The following PCDHA1 variants were observed in gnomAD, a reference collection of about 807,000 sequenced individuals.
The protein encoded by PCDHA1 is protocadherin alpha 1, also known as protocadherin alpha-1.
PCDHA1 carries 42 observed loss-of-function variants against 61.3 expected under a neutral mutation model. That is an observed-to-expected ratio of 0.69 (90% confidence interval 0.54 to 0.89). PCDHA1 has a LOEUF of 0.89. Among genes scored for constraint, PCDHA1 ranks in the 40% least tolerant of loss-of-function variants. PCDHA1 has a pLI of 0.00. For synonymous variants in PCDHA1, 610 were observed against 553.8 expected (o/e 1.10, Z -1.43); for missense variants, 1,256 against 1,235.3 (o/e 1.02, Z -0.25).
rs17844346 is a variant in PCDHA1 at position 140,857,813 on chromosome 5, G to T, written c.2394+69129G>T. On this transcript the variant is annotated intron_variant, in intron 1 of 3. Transcript: ENST00000504120. Reference sequence around the variant, plus strand: ...GCTGCGGTCGGTGGTTGCGGGTCACGTGGTGGCTAAGGTGCGCGCAGTGGA... The same window carrying T: ...GCTGCGGTCGGTGGTTGCGGGTCACTTGGTGGCTAAGGTGCGCGCAGTGGA... 43 of 1,597,700 alleles carry T rather than the reference G, an allele frequency of 2.7e-5. 5 individuals are homozygous for T. The highest frequency in any genetic ancestry group is 1.8e-4 in the East Asian group (8 of 44,836).
chr5:140,886,602 C>A (rs1167539535), intron 1 of PCDHA1, among the ~76,000 whole-genome samples: 1 of 151,638 alleles, frequency 6.6e-6, no homozygotes, highest in Non-Finnish European at 1.5e-5. Flanking sequence ...CCAAGGTGGG[C>A]GGATCAGGAG....
intron 1 of PCDHA1, among the ~76,000 whole-genome samples, chr5:140,947,064 A>G (rs1554218040): frequency 6.6e-6 from 1 of 151,738 alleles, no homozygotes; most frequent in African/African-American, 2.4e-5. Flanking sequence ...TACACAGTGT[A>G]TATATGTATT....
chr5:140,799,697 A>G (rs1455687365), intron 1 of PCDHA1, among the ~76,000 whole-genome samples: 1 of 152,152 alleles, frequency 6.6e-6, no homozygotes, highest in African/African-American at 2.4e-5. Context: ...AATATGAATG[A>G]TAAAATCTGA....
At chr5:140,870,614 C>G in intron 1 of PCDHA1, 2 of 1,613,212 alleles carry the variant, frequency 1.2e-6, no homozygotes, top group South Asian at 2.2e-5. Flanking sequence ...CGCGCGCTGT[C>G]GAGCTACGTG....
At chr5:140,899,035 G>C (rs2067107583) in intron 1 of PCDHA1, among the ~76,000 whole-genome samples, 1 of 151,908 alleles carries the variant, frequency 6.6e-6, no homozygotes, top group African/African-American at 2.4e-5. Context: ...TTTGTACATT[G>C]ATTTTGTATC....
At chr5:140,841,440 A>G in intron 1 of PCDHA1, 1 of 1,612,980 alleles carries the variant, frequency 6.2e-7, no homozygotes, top group Non-Finnish European at 8.5e-7. Flanking sequence ...GAGGAGGCCA[A>G]ACACGGCACC....
At chr5:140,857,153 G>A in intron 1 of PCDHA1, 1 of 1,598,322 alleles carries the variant, frequency 6.3e-7, no homozygotes, top group East Asian at 2.2e-5. Context: ...CACCGTCATT[G>A]CCCTAATCAG....
chr5:140,839,742 T>A (rs1554137563), intron 1 of PCDHA1, among the ~76,000 whole-genome samples: 2 of 152,054 alleles, frequency 1.3e-5, no homozygotes, highest in Non-Finnish European at 2.9e-5. Flanking sequence ...ATACCCTTAT[T>A]TGCCTTTCCT....
chr5:140,788,780 T>G, intron 1 of PCDHA1, 96 bp downstream of exon 1: 2 of 1,443,610 alleles, frequency 1.4e-6, no homozygotes, highest in Non-Finnish European at 9.2e-7. Flanking sequence ...GTCTTCAAGG[T>G]GTTCACTAAC....
chr5:140,843,317 C>G (rs2150357275), intron 1 of PCDHA1: 11 of 1,595,910 alleles, frequency 6.9e-6, no homozygotes, highest in African/African-American at 1.3e-5. Context: ...GGCCACGGTT[C>G]TGGTGTCGCT....
At chr5:140,892,561 A>T (rs766284976) in intron 1 of PCDHA1, among the ~76,000 whole-genome samples, 1 of 152,156 alleles carries the variant, frequency 6.6e-6, no homozygotes, top group Non-Finnish European at 1.5e-5. Context: ...GTCCTTGGAG[A>T]CTGTCAAAAG....
intron 1 of PCDHA1, chr5:140,866,000 TAA>T (rs1485805064): frequency 6.6e-6 from 1 of 152,190 alleles, no homozygotes; most frequent in Non-Finnish European, 1.5e-5. Flanking sequence ...TTTTTTATGT[TAA>T]GTGATTTTTT....
intron 1 of PCDHA1, among the ~76,000 whole-genome samples, chr5:140,894,646 C>A (rs1481747888): frequency 2.0e-5 from 3 of 151,766 alleles, no homozygotes; most frequent in African/African-American, 7.3e-5. Flanking sequence ...ATTACTGAGT[C>A]TCTCTAATTC....
chr5:140,872,209 T>C (rs900203010), intron 1 of PCDHA1, among the ~76,000 whole-genome samples: 4 of 152,214 alleles, frequency 2.6e-5, no homozygotes, highest in South Asian at 2.1e-4. Context: ...AAATTCATTA[T>C]ATATGAAACA....
At chr5:140,883,074 C>T (rs1554176634) in intron 1 of PCDHA1, 2 of 1,614,042 alleles carry the variant, frequency 1.2e-6, no homozygotes, top group Admixed American at 3.3e-5. Context: ...GCCACAGATC[C>T]TGATGATGGT....
chr5:140,962,036 A>G (rs761594563), intron 1 of PCDHA1, among the ~76,000 whole-genome samples: 10 of 151,802 alleles, frequency 6.6e-5, no homozygotes, highest in Non-Finnish European at 1.2e-4. Flanking sequence ...GGCACCCACC[A>G]CCATGCCTGG....
rs2150336265 is a variant in PCDHA1, at chr5:140,842,444, A to C, written c.2394+53760A>C. 3.1e-6 allele frequency: 5 copies of C among 1,613,778 alleles called. No homozygotes were observed. The East Asian group carries it at 1.1e-4, about 36-fold the overall frequency. On this transcript the variant is annotated intron_variant, in intron 1 of 3. Transcript: ENST00000504120. ...TACTGTCATCGCCCTAATTAGCGTGAACGACCTCGATTCAGGTGCCAACGG... is the reference window on the plus strand; with the variant it reads ...TACTGTCATCGCCCTAATTAGCGTGCACGACCTCGATTCAGGTGCCAACGG...
rs781936039 is a variant in PCDHA1 at position 140,809,371 on chromosome 5, C to T, written c.2394+20687C>T. 12 of 1,613,986 alleles carry T rather than the reference C, an allele frequency of 7.4e-6. No homozygotes were observed. In the Admixed American group the frequency reaches 8.3e-5, roughly 11 times the overall value. On this transcript the variant is annotated intron_variant, in intron 1 of 3. Coordinates refer to ENST00000504120, the MANE Select transcript of PCDHA1 (RefSeq NM_018900.4). ...CGCTGCGGTGCTCTGCGCTGCCCAC[C>T]GAGGGCGCGTGCGCTCCGGGCAAGC...
At chr5:140,809,777 C>T (rs74789742) in intron 1 of PCDHA1, 2 of 524,128 alleles carry the variant, frequency 3.8e-6, no homozygotes, top group Non-Finnish European at 6.5e-6. Flanking sequence ...TTATTCAATG[C>T]ATATTAACAG....
Sources: allele counts gnomAD v4.1 joint callset (sites outside exome capture counted in the v4.1 genomes callset), GRCh38; gene constraint gnomAD v4.1.1; transcripts MANE v1.5; gene names NCBI Gene and HGNC (gene_info 2026-07-23, HGNC 2026-07-21).